NUAK1: variants seen among roughly 807,000 people sequenced by gnomAD.
The protein encoded by NUAK1 is NUAK family kinase 1.
NUAK1 carries 26 observed loss-of-function variants against 56.9 expected under a neutral mutation model. That is an observed-to-expected ratio of 0.46 (90% CI 0.33 to 0.63). NUAK1 has a LOEUF of 0.63. NUAK1 is among the 30% of genes least tolerant of loss of function. The pLI, the probability that NUAK1 is intolerant of heterozygous loss-of-function variation, is 0.02. For synonymous variants in NUAK1, 337 were observed against 336.0 expected, an observed-to-expected ratio of 1.00 and a Z score of -0.03; for missense variants, 727 against 876.1, an observed-to-expected ratio of 0.83 and a Z score of 2.15.
intron 1 of NUAK1, among the ~76,000 whole-genome samples, chr12:106,132,513 C>T (rs954768503): frequency 2.0e-5 from 3 of 152,200 alleles, no homozygotes; most frequent in Admixed American, 6.5e-5. Flanking sequence ...GAAGCAAGAT[C>T]AACACACACT....
At chr12:106,114,252 C>A (rs2032894714) in intron 1 of NUAK1, among the ~76,000 whole-genome samples, 1 of 152,190 alleles carries the variant, frequency 6.6e-6, no homozygotes, top group Admixed American at 6.5e-5. Context: ...TATTTATCAA[C>A]CTCCAAACCC....
Position 106,067,421 on chromosome 12 carries a change from G to T in NUAK1, c.1367C>A (p.Pro456His). The T allele has an allele frequency of 2.5e-6, 4 of 1,614,146 alleles. No individual in the cohort carries two copies. Among genetic ancestry groups the T allele is most frequent in the Non-Finnish European group, 3.4e-6 (4 of 1,180,034 alleles). The change falls in exon 7 of 7, where the codon CCC becomes CAC. Residue 456 changes from proline to histidine, a missense_variant. Coordinates refer to ENST00000261402, the MANE Select transcript of NUAK1 (RefSeq NM_014840.3). This position sits in a 1 kb window ranked among gnomAD's most constrained non-coding sequence, Gnocchi z 6.0. ...PEAEVPGKLS[P>H]KQSATMPKKG... ...CTTGGGCATCGTGGCCGACTGCTTG[G>T]GGCTGAGTTTTCCCGGCACCTCTGC...
chr12:106,118,749 T>G (rs891435723), intron 1 of NUAK1, among the ~76,000 whole-genome samples: 1 of 152,190 alleles, frequency 6.6e-6, no homozygotes, highest in Non-Finnish European at 1.5e-5. Context: ...TGTAAAACAT[T>G]TGGTTTGAGA....
intron 2 of NUAK1, among the ~76,000 whole-genome samples, chr12:106,101,148 C>A (rs1374040429): frequency 2.6e-5 from 4 of 152,198 alleles, no homozygotes; most frequent in African/African-American, 9.7e-5. Context: ...CTTGCCCCCA[C>A]CACGCCCCCA....
At chr12:106,080,326 C>T (rs990410980) in intron 4 of NUAK1, among the ~76,000 whole-genome samples, 7 of 152,224 alleles carry the variant, frequency 4.6e-5, no homozygotes, top group Non-Finnish European at 1.5e-5. Flanking sequence ...GGTCGGCTGA[C>T]CCTGGTGCCT....
rs551703643 is a variant in NUAK1 at position 106,086,021 on chromosome 12, C to T, written c.513+713G>A. ...TCTGCGGCCATCTTCTGAGCACATC[C>T]GTGCATGTAGGTAACCTATGCAAGA... On this transcript the variant is annotated intron_variant, in intron 3 of 6. Coordinates refer to ENST00000261402, the MANE Select transcript of NUAK1 (RefSeq NM_014840.3). Among the ~76,000 whole-genome samples, 32 of 152,180 alleles carry T rather than the reference C, an allele frequency of 2.1e-4. 1 individual carries two copies. In the South Asian group the frequency reaches 6.2e-3, roughly 30 times the overall value.
chr12:106,091,146 T>C (rs1592852801), intron 2 of NUAK1, among the ~76,000 whole-genome samples: 1 of 152,342 alleles, frequency 6.6e-6, no homozygotes, highest in East Asian at 1.9e-4. Context: ...ATCTTGTCTG[T>C]GTTTATGTTA....
intron 1 of NUAK1, among the ~76,000 whole-genome samples, chr12:106,121,994 T>G (rs183613484): frequency 8.5e-5 from 13 of 152,318 alleles, no homozygotes; most frequent in African/African-American, 3.1e-4. Context: ...AAACCTATCT[T>G]GTGTGCGACA....
intron 1 of NUAK1, 105 bp from the exon 2 acceptor site, chr12:106,106,630 T>C (rs1427785): frequency 0.46 from 545,413 of 1,191,266 alleles, 126,045 homozygotes; most frequent in African/African-American, 0.52. Context: ...TTGGCAGAAC[T>C]GACAATAACC....
intron 2 of NUAK1, among the ~76,000 whole-genome samples, chr12:106,089,267 C>T (rs1164273732): frequency 6.6e-6 from 1 of 152,222 alleles, no homozygotes; most frequent in Non-Finnish European, 1.5e-5. Context: ...GAGTCTGGCA[C>T]GTCTTTAAGG....
At chr12:106,122,623 G>A (rs985725007) in intron 1 of NUAK1, among the ~76,000 whole-genome samples, 1 of 152,174 alleles carries the variant, frequency 6.6e-6, no homozygotes, top group Non-Finnish European at 1.5e-5. Context: ...AGGTATAGAC[G>A]AGAGAAAATG....
chr12:106,125,719 C>T (rs939518134), intron 1 of NUAK1, among the ~76,000 whole-genome samples: 2 of 152,078 alleles, frequency 1.3e-5, no homozygotes, highest in Middle Eastern at 3.2e-3. Context: ...ACCTGCTTCA[C>T]GCCCACACAC....
rs1005393274 is a variant in NUAK1, at chr12:106,115,967, G to A, written c.241-9442C>T. Among the ~76,000 whole-genome samples, 3 of 152,058 alleles carry A rather than the reference G, an allele frequency of 2.0e-5. No homozygotes were observed. The East Asian group carries it at 5.8e-4, about 29-fold the overall frequency. ...TCCTGTCCTCGCCATTAACATTTTC[G>A]GTTGACCAACTCCTCTGCATCCATC... On this transcript the variant is annotated intron_variant, in intron 1 of 6. Transcript: ENST00000261402.
intron 1 of NUAK1, among the ~76,000 whole-genome samples, chr12:106,113,081 C>T (rs568927466): frequency 2.0e-5 from 3 of 152,304 alleles, no homozygotes; most frequent in Admixed American, 2.0e-4. Flanking sequence ...AGGGCTGGGA[C>T]ATTTTTATCT....
chr12:106,121,272 C>T (rs941681977), intron 1 of NUAK1, among the ~76,000 whole-genome samples: 12 of 152,176 alleles, frequency 7.9e-5, no homozygotes, highest in Admixed American at 3.3e-4. Context: ...GCTGTGAAGA[C>T]GGTACAAGAT....
At chr12:106,092,121 G>GC (rs1261766117) in intron 2 of NUAK1, among the ~76,000 whole-genome samples, 7 of 152,106 alleles carry the variant, frequency 4.6e-5, no homozygotes, top group Non-Finnish European at 1.0e-4. Flanking sequence ...CCCCTGCCAT[G>GC]CCCTCTTTCT....
chr12:106,138,554 G>A lies in NUAK1; in HGVS notation c.100C>T (p.Leu34=), dbSNP rs1292829255. 6.2e-7 allele frequency: 1 copy of A among 1,609,742 alleles called. No individual in the cohort carries two copies. The highest frequency in any genetic ancestry group is 1.7e-5 in the Admixed American group (1 of 59,958). The change falls in exon 1 of 7, where the codon CTG becomes TTG. Residue 34 remains leucine (L), a synonymous_variant. Coordinates refer to ENST00000261402, the MANE Select transcript of NUAK1 (RefSeq NM_014840.3). The surrounding 1 kb of genome is among the most constrained non-coding windows in gnomAD (Gnocchi z 5.0). ...ACCCCGTGCGGCTTCCTGGGCTCCAGGGCTGCAGTCGCCCCCGCCACCGCC... is the reference window on the plus strand; with the variant it reads ...ACCCCGTGCGGCTTCCTGGGCTCCAAGGCTGCAGTCGCCCCCGCCACCGCC... ...REAVAGATAA[L]EPRKPHGVKR...
Position 106,138,352 on chromosome 12 carries a change from C to T in NUAK1, c.240+62G>A. Reference sequence around the variant, plus strand: ...GGCGCACAGACCCCCGCCTCGCACGCCCTCAGTCCCCGGCCGCGTCCACCC... The same window carrying T: ...GGCGCACAGACCCCCGCCTCGCACGTCCTCAGTCCCCGGCCGCGTCCACCC... On this transcript the variant is annotated intron_variant, in intron 1 of 6. Coordinates refer to ENST00000261402, the MANE Select transcript of NUAK1 (RefSeq NM_014840.3). This position sits in a 1 kb window ranked among gnomAD's most constrained non-coding sequence, Gnocchi z 5.0. 1 of 1,537,092 alleles carries T rather than the reference C, an allele frequency of 6.5e-7. No homozygotes were observed. Among genetic ancestry groups the T allele is most frequent in the Non-Finnish European group, 8.7e-7 (1 of 1,149,124 alleles).
intron 2 of NUAK1, 195 bp downstream of exon 2, chr12:106,106,210 C>A: frequency 2.2e-6 from 1 of 445,198 alleles, no homozygotes; most frequent in East Asian, 3.4e-5. Flanking sequence ...TATTTTATGA[C>A]CAAAATGAGC....
Sources: allele counts gnomAD v4.1 joint callset (sites outside exome capture counted in the v4.1 genomes callset), GRCh38; gene constraint gnomAD v4.1.1; non-coding constraint Gnocchi (gnomAD v3.1); transcripts MANE v1.5; gene names NCBI Gene and HGNC (gene_info 2026-07-23, HGNC 2026-07-21).